TRIM24: variants seen among roughly 807,000 people sequenced by gnomAD.
TRIM24 encodes transcription intermediary factor 1-alpha.
Under a neutral mutation model 123.9 loss-of-function variants are expected in TRIM24, and 29 were observed. The observed-to-expected ratio is 0.23, with a 90% CI of 0.17 to 0.32. TRIM24 has a LOEUF of 0.32. Among genes scored for constraint, TRIM24 ranks in the 10% least tolerant of loss-of-function variants. The pLI is 1.00. For synonymous variants in TRIM24, 456 were observed against 461.1 expected (o/e 0.99, Z 0.14); for missense variants, 932 against 1,295.3 (o/e 0.72, Z 4.31).
chr7:138,582,050 A>G (rs901353905), intron 17 of TRIM24, among the ~76,000 whole-genome samples: 2 of 152,072 alleles, frequency 1.3e-5, no homozygotes, highest in Admixed American at 1.3e-4. Flanking sequence ...TCTGTATTTC[A>G]GGAGTTTTAG....
intron 2 of TRIM24, among the ~76,000 whole-genome samples, chr7:138,508,682 T>TGC (rs1200648763): frequency 0.034 from 1,588 of 47,134 alleles, 15 homozygotes; most frequent in South Asian, 0.055. Flanking sequence ...TGTGTGTGTG[T>TGC]GTGTGTGTGT....
intron 2 of TRIM24, among the ~76,000 whole-genome samples, chr7:138,507,937 A>C (rs1796186052): frequency 6.6e-6 from 1 of 152,188 alleles, no homozygotes; most frequent in South Asian, 2.1e-4. Flanking sequence ...CTATCTCAAA[A>C]AAAAAAAAAT....
rs368453514 is a variant in TRIM24, at chr7:138,461,189, C to G, written c.364+277C>G. On this transcript the variant is annotated intron_variant, in intron 1 of 18. Transcript: ENST00000343526. ...CTCAACAGCCGGGCGGCCCCTGCCA[C>G]TCGCACTTTTGCAGACCTCTGTCGG... is the stretch of plus-strand genomic sequence containing the variant. 4.0e-4 allele frequency: 277 copies of G among 690,670 alleles called. No individual in the cohort carries two copies. In the African/African-American group the frequency reaches 4.3e-3, roughly 11 times the overall value. 42.8% of individuals were successfully genotyped at this position (690,670 alleles called of 1,614,324 possible).
At chr7:138,509,398 A>G (rs1222280507) in intron 2 of TRIM24, among the ~76,000 whole-genome samples, 1 of 149,882 alleles carries the variant, frequency 6.7e-6, no homozygotes, top group African/African-American at 2.4e-5. Context: ...GAATCATTTT[A>G]ATTCTTAAAA....
At chr7:138,581,557 G>C in intron 16 of TRIM24, 140 bp from the exon 17 acceptor site, 1 of 659,612 alleles carries the variant, frequency 1.5e-6, no homozygotes, top group East Asian at 2.8e-5. Context: ...AAAACTCCGA[G>C]AATCAGTAAT....
chr7:138,509,608 G>A (rs932036334), intron 2 of TRIM24, among the ~76,000 whole-genome samples: 1 of 143,742 alleles, frequency 7.0e-6, no homozygotes, highest in African/African-American at 2.6e-5. Flanking sequence ...GGAGGGTGAG[G>A]CAGGAAAATT....
At chr7:138,508,680 T>TGCGC (rs777842191) in intron 2 of TRIM24, among the ~76,000 whole-genome samples, 11 of 97,184 alleles carry the variant, frequency 1.1e-4, no homozygotes, top group South Asian at 6.1e-4. Context: ...TGTGTGTGTG[T>TGCGC]GTGTGTGTGT....
At chr7:138,547,866 G>A (rs1280552862) in intron 7 of TRIM24, among the ~76,000 whole-genome samples, 2 of 152,072 alleles carry the variant, frequency 1.3e-5, no homozygotes, top group Admixed American at 6.5e-5. Context: ...GGCTAGCCTC[G>A]AACTCCTGAC....
intron 1 of TRIM24, among the ~76,000 whole-genome samples, chr7:138,476,592 CAAAA>C (rs60613094): frequency 2.8e-5 from 3 of 107,864 alleles, no homozygotes; most frequent in Admixed American, 9.0e-5. Context: ...GGCTCCGTCT[CAAAA>C]AAAAAAAAAA....
In TRIM24 at chr7:138,538,810, TA is replaced by T; in HGVS notation, c.1143+10del. Reference sequence around the variant, plus strand: ...ACTTTATAGCAAACGACTGGTAAGATAAAGTATGCTATTTAATATACTGTAA... The same window carrying T: ...ACTTTATAGCAAACGACTGGTAAGATAAGTATGCTATTTAATATACTGTAA... On this transcript the variant is annotated splice_region_variant and intron_variant, in intron 7 of 18. Coordinates refer to ENST00000343526, the MANE Select transcript of TRIM24 (RefSeq NM_015905.3). 1 of 1,613,244 alleles carries T rather than the reference TA, an allele frequency of 6.2e-7. No individual in the cohort carries two copies.
intron 14 of TRIM24, among the ~76,000 whole-genome samples, chr7:138,578,574 ACG>A (rs1797823066): frequency 2.3e-5 from 3 of 133,012 alleles, no homozygotes; most frequent in African/African-American, 7.8e-5. Flanking sequence ...GCGCGCACGC[ACG>A]AATGGAAGCA....
intron 1 of TRIM24, among the ~76,000 whole-genome samples, chr7:138,477,316 C>T (rs10258706): frequency 0.36 from 53,919 of 151,646 alleles, 9,726 homozygotes; most frequent in East Asian, 0.5. Context: ...AGAGACTCCA[C>T]CTCAAAAAAC....
chr7:138,519,403 G>A, intron 4 of TRIM24, 82 bp downstream of exon 4: 1 of 1,476,930 alleles, frequency 6.8e-7, no homozygotes, highest in South Asian at 1.4e-5. Context: ...TCATCAAATG[G>A]CAGTCTGCAA....
intron 1 of TRIM24, among the ~76,000 whole-genome samples, chr7:138,461,977 T>C (rs1794988125): frequency 6.6e-6 from 1 of 152,222 alleles, no homozygotes; most frequent in Admixed American, 6.5e-5. Flanking sequence ...TATCCACTTG[T>C]AGGAGACAGT....
intron 1 of TRIM24, among the ~76,000 whole-genome samples, chr7:138,470,123 A>AT (rs10542175): frequency 0.043 from 3,465 of 81,394 alleles, 448 homozygotes; most frequent in African/African-American, 0.1. Flanking sequence ...TACAAGTATA[A>AT]TTTTTTTTTT....
At chr7:138,468,103 C>G (rs1795191761) in intron 1 of TRIM24, among the ~76,000 whole-genome samples, 1 of 152,164 alleles carries the variant, frequency 6.6e-6, no homozygotes, top group Admixed American at 6.5e-5. Flanking sequence ...GAGGAAAACA[C>G]TCAATTTTTC....
At chr7:138,575,009 TA>T (rs1435161072) in intron 12 of TRIM24, among the ~76,000 whole-genome samples, 1 of 152,150 alleles carries the variant, frequency 6.6e-6, no homozygotes, top group Admixed American at 6.5e-5. Context: ...AGGATAAAAA[TA>T]AATTAGAATG....
At position 138,585,629 on chromosome 7, in the gene TRIM24, T is replaced by G; in HGVS notation, c.*678T>G. 2.8e-6 allele frequency: 1 copy of G among 359,638 alleles called. No homozygotes were observed. The highest frequency in any genetic ancestry group is 5.3e-6 in the Non-Finnish European group (1 of 188,730). 22.3% of individuals were successfully genotyped at this position (359,638 alleles called of 1,614,324 possible). A position where few individuals can be genotyped will look rare whatever the true frequency, so the allele number is the denominator to read the frequency against. ...TTTGTTTTTATCTTGTCTGTAGAGG[T>G]ATTTTGGTATAGCAGGTTTTCAAGG... On this transcript the variant is annotated 3_prime_UTR_variant, in exon 19 of 19. Coordinates refer to ENST00000343526, the MANE Select transcript of TRIM24 (RefSeq NM_015905.3).
At chr7:138,574,064 T>TA (rs1797709266) in intron 12 of TRIM24, among the ~76,000 whole-genome samples, 1 of 152,242 alleles carries the variant, frequency 6.6e-6, no homozygotes, top group Non-Finnish European at 1.5e-5. Context: ...TGAGCCATCA[T>TA]ACTAGGCCTT....
Sources: gnomAD v4.1 joint callset for allele counts (sites outside exome capture counted in the v4.1 genomes callset) on GRCh38, gnomAD v4.1.1 for gene constraint, MANE v1.5 for transcripts, NCBI Gene and HGNC (gene_info 2026-07-23, HGNC 2026-07-21) for gene names.